MARCHF1: variants seen among roughly 807,000 people sequenced by gnomAD.
MARCHF1 encodes the protein E3 ubiquitin-protein ligase MARCHF1.
Under a neutral mutation model 54.2 loss-of-function variants are expected in MARCHF1, and 40 were observed. That is an observed-to-expected ratio of 0.74 (90% CI 0.57 to 0.96). The LOEUF is 0.96. MARCHF1 is among the 40% of genes least tolerant of loss of function. The pLI, the probability that MARCHF1 is intolerant of heterozygous loss-of-function variation, is 0.00. For missense variants in MARCHF1, 586 were observed against 656.5 expected (o/e 0.89, Z 1.17); for synonymous variants, 236 against 236.3 (o/e 1.00, Z 0.01).
Position 163,613,381 on chromosome 4 carries a change from T to C in MARCHF1, c.175A>G (p.Thr59Ala). Residue 59 changes from threonine (T) to alanine (A), a missense_variant, in exon 6 of 10, where the codon ACA (threonine) becomes GCA (alanine). Transcript: ENST00000514618. ...SSNISKASSPTTGTAPRSQSR... is the reference protein window; with the variant it reads ...SSNISKASSPATGTAPRSQSR... ...TGGCTCCTGGGAGCTGTCCCTGTTG[T>C]TGGGCTGCTTGCCTGGAGAAACAAG... 6.2e-7 allele frequency: 1 copy of C among 1,613,364 alleles called. No homozygotes were observed. Among genetic ancestry groups the C allele is most frequent in the Non-Finnish European group, 8.5e-7 (1 of 1,179,542 alleles).
chr4:163,568,542 A>C (rs1739724637), intron 8 of MARCHF1, among the ~76,000 whole-genome samples: 1 of 152,128 alleles, frequency 6.6e-6, no homozygotes, highest in Non-Finnish European at 1.5e-5. Context: ...CTTTTTCAAA[A>C]GACTCGAGCC....
chr4:164,024,900 T>C (rs1000962869), intron 2 of MARCHF1, among the ~76,000 whole-genome samples: 1 of 152,050 alleles, frequency 6.6e-6, no homozygotes, highest in Non-Finnish European at 1.5e-5. Context: ...AGATCTACCA[T>C]GCAAATGGAA....
At chr4:164,140,434 C>T (rs939968550) in intron 1 of MARCHF1, among the ~76,000 whole-genome samples, 8 of 152,020 alleles carry the variant, frequency 5.3e-5, no homozygotes, top group East Asian at 1.9e-4. Flanking sequence ...TGAAACTGAC[C>T]GGATCACTGC....
intron 5 of MARCHF1, among the ~76,000 whole-genome samples, chr4:163,623,744 T>C (rs1204136565): frequency 2.0e-5 from 3 of 152,206 alleles, no homozygotes; most frequent in South Asian, 2.1e-4. Flanking sequence ...GTCTTCAAAA[T>C]GTATCCTTAA....
At position 163,597,608 on chromosome 4, in the gene MARCHF1, T is replaced by C. The variant is rs10006143; in HGVS notation, c.1011-11679A>G. ...CTCTATTTTTAAATTTTATTTCTAG[T>C]AACTACAAACTACTGTAATAATCAA... On this transcript the variant is annotated intron_variant, in intron 7 of 9. Transcript: ENST00000514618. Among the ~76,000 whole-genome samples the C allele has an allele frequency of 8.0e-3, 1,215 of 152,326 alleles. 20 individuals carry two copies. Among genetic ancestry groups the C allele is most frequent in the African/African-American group, 0.026 (1,085 of 41,580 alleles).
In MARCHF1 at chr4:163,525,676, C is replaced by CACA. The variant is rs1375950600; in HGVS notation, c.*3069_*3071dup. On this transcript the variant is annotated 3_prime_UTR_variant, in exon 10 of 10. Coordinates refer to ENST00000514618, the MANE Select transcript of MARCHF1 (RefSeq NM_001394959.1). ...GATTATAAAGAGCCAAGGTTTTTAA[C>CACA]ACAACTGTAATTTCATTCTTCAATT... 1.3e-5 allele frequency: 2 copies of CACA among 151,968 alleles called. No individual in the cohort carries two copies. Among genetic ancestry groups the CACA allele is most frequent in the African/African-American group, 2.4e-5 (1 of 41,400 alleles). The allele number at this position is 151,968 out of a possible 1,614,324, so 9.4% of individuals were successfully genotyped here. A position where few individuals can be genotyped will look rare whatever the true frequency, so the allele number is the denominator to read the frequency against.
intron 1 of MARCHF1, among the ~76,000 whole-genome samples, chr4:164,335,427 G>A (rs936151900): frequency 3.9e-5 from 6 of 151,978 alleles, no homozygotes; most frequent in African/African-American, 7.3e-5. Context: ...CCAAAAATAC[G>A]AAAAATTAAC....
rs376897941 is a variant in MARCHF1, at chr4:164,299,241, G to A, written c.-323+84629C>T. On this transcript the variant is annotated intron_variant, in intron 1 of 9. Transcript: ENST00000514618. Reference sequence around the variant, plus strand: ...GAGCTTTCTTCTCTCCATTAAAATGGCCTCCTAGACTTAATCTCTTAAATG... The same window carrying A: ...GAGCTTTCTTCTCTCCATTAAAATGACCTCCTAGACTTAATCTCTTAAATG... 8.0e-4 allele frequency among the ~76,000 whole-genome samples: 121 copies of A among 152,110 alleles called. No homozygotes were observed. The Middle Eastern group carries it at 0.01, about 13-fold the overall frequency.
chr4:163,742,450 T>G (rs1746233676), intron 4 of MARCHF1, among the ~76,000 whole-genome samples: 1 of 148,588 alleles, frequency 6.7e-6, no homozygotes, highest in Admixed American at 6.7e-5. Context: ...CTTTTCTCTT[T>G]CTTTCACTCT....
chr4:163,889,886 T>C (rs1439298832), intron 3 of MARCHF1, among the ~76,000 whole-genome samples: 7 of 150,354 alleles, frequency 4.7e-5, no homozygotes, highest in South Asian at 2.1e-4. Context: ...TAAATGCACA[T>C]ACTATTTATG....
intron 7 of MARCHF1, among the ~76,000 whole-genome samples, chr4:163,592,831 ACTAT>A (rs1414321162): frequency 1.2e-4 from 18 of 152,028 alleles, no homozygotes; most frequent in African/African-American, 3.9e-4. Flanking sequence ...CTCTTTGAAG[ACTAT>A]CTGAGAGGTC....
At chr4:163,681,861 T>C (rs1744115933) in intron 5 of MARCHF1, among the ~76,000 whole-genome samples, 1 of 151,958 alleles carries the variant, frequency 6.6e-6, no homozygotes, top group Non-Finnish European at 1.5e-5. Flanking sequence ...TACCAGAAAA[T>C]GTGGAAGCAA....
intron 5 of MARCHF1, among the ~76,000 whole-genome samples, chr4:163,639,854 A>G (rs1440603619): frequency 1.3e-5 from 2 of 152,150 alleles, no homozygotes; most frequent in African/African-American, 4.8e-5. Flanking sequence ...TGTGGATGAA[A>G]CAAAGACGAA....
At chr4:164,190,013 G>C in intron 1 of MARCHF1, 1 of 1,429,334 alleles carries the variant, frequency 7.0e-7, no homozygotes. Context: ...ATGCTGAGAA[G>C]TTTGCTGAGG....
intron 8 of MARCHF1, among the ~76,000 whole-genome samples, chr4:163,564,855 C>T (rs997744028): frequency 6.6e-6 from 1 of 151,130 alleles, no homozygotes; most frequent in East Asian, 1.9e-4. Flanking sequence ...CTCAGCAGCG[C>T]AGATCTCTGG....
intron 4 of MARCHF1, among the ~76,000 whole-genome samples, chr4:163,813,925 G>C (rs13150846): frequency 1.3e-5 from 2 of 152,078 alleles, no homozygotes; most frequent in Non-Finnish European, 2.9e-5. Context: ...CCAAAGGGTG[G>C]AAGGCTGTCC....
At chr4:163,948,736 G>A (rs1039008768) in intron 3 of MARCHF1, among the ~76,000 whole-genome samples, 1 of 152,156 alleles carries the variant, frequency 6.6e-6, no homozygotes, top group South Asian at 2.1e-4. Flanking sequence ...TAAAATGGAG[G>A]AACTGTGGAA....
rs554726771 is a variant in MARCHF1 at position 163,875,154 on chromosome 4, G to A, written c.-38-20985C>T. 7.9e-5 allele frequency among the ~76,000 whole-genome samples: 12 copies of A among 151,552 alleles called. No individual in the cohort carries two copies. The East Asian group carries it at 1.2e-3, about 15-fold the overall frequency. On this transcript the variant is annotated intron_variant, in intron 3 of 9. Coordinates refer to ENST00000514618, the MANE Select transcript of MARCHF1 (RefSeq NM_001394959.1). ...CTCAATTTTTCATTTGCCTTAGCTT[G>A]ACACACACGTTGAATTTTAGTTTGA...
intron 3 of MARCHF1, among the ~76,000 whole-genome samples, chr4:163,956,627 C>G (rs1465991231): frequency 3.3e-5 from 5 of 151,956 alleles, no homozygotes; most frequent in African/African-American, 1.2e-4. Context: ...ATATTATATG[C>G]AAAATTGTAA....
Sources: allele counts gnomAD v4.1 joint callset (sites outside exome capture counted in the v4.1 genomes callset), GRCh38; gene constraint gnomAD v4.1.1; transcripts MANE v1.5; gene names NCBI Gene and HGNC (gene_info 2026-07-23, HGNC 2026-07-21).